The following MAST2 variants were observed in gnomAD, a reference collection of about 807,000 sequenced individuals.
The protein encoded by MAST2 is microtubule-associated serine/threonine-protein kinase 2.
A neutral mutation model predicts 147.4 loss-of-function variants in MAST2; 70 were observed. The observed-to-expected ratio is 0.47, with a 90% CI of 0.39 to 0.58. The LOEUF (loss-of-function observed/expected upper bound fraction) is 0.58, where lower values mean the gene tolerates loss of function less well. Among genes scored for constraint, MAST2 ranks in the 20% least tolerant of loss-of-function variants. MAST2 has a pLI of 0.00. For synonymous variants in MAST2, 869 were observed against 896.8 expected, an observed-to-expected ratio of 0.97 and a Z score of 0.55; for missense variants, 2,080 against 2,302.3, an observed-to-expected ratio of 0.90 and a Z score of 1.98.
chr1:45,826,914 C>A (rs544964517), intron 2 of MAST2, among the ~76,000 whole-genome samples: 1 of 152,052 alleles, frequency 6.6e-6, no homozygotes, highest in Non-Finnish European at 1.5e-5. Flanking sequence ...CTGAAACCTC[C>A]GCCTTCCTGG....
rs998131475 is a variant in MAST2, at chr1:46,031,741, A to G, written c.3187+156A>G. On this transcript the variant is annotated intron_variant, in intron 24 of 28. Transcript: ENST00000361297. This position sits in a 1 kb window ranked among gnomAD's most constrained non-coding sequence, Gnocchi z 4.1. Reference sequence around the variant, plus strand: ...TGTGTATTGGTGTCTGGGGTTGTGTATACATGTGCCAGAAAGCAGGACAGC... The same window carrying G: ...TGTGTATTGGTGTCTGGGGTTGTGTGTACATGTGCCAGAAAGCAGGACAGC... 6.6e-5 allele frequency among the ~76,000 whole-genome samples: 10 copies of G among 152,266 alleles called. No homozygotes were observed. In the South Asian group the frequency reaches 2.1e-3, roughly 32 times the overall value.
At chr1:45,972,319 G>A (rs1229778449) in intron 5 of MAST2, among the ~76,000 whole-genome samples, 1 of 152,226 alleles carries the variant, frequency 6.6e-6, no homozygotes, top group Non-Finnish European at 1.5e-5. Flanking sequence ...ATACACTGGT[G>A]GGGCTGGCCG....
At position 45,881,926 on chromosome 1, in the gene MAST2, C is replaced by T. The variant is rs1372762247; in HGVS notation, c.469-438C>T. ...GCATGGTGGCTCACACCTGTAATCC[C>T]AGTACTTTGGGAGGCCGAGGCGGGC... On this transcript the variant is annotated intron_variant, in intron 3 of 28. Coordinates refer to ENST00000361297, the MANE Select transcript of MAST2 (RefSeq NM_015112.3). 8.2e-5 allele frequency among the ~76,000 whole-genome samples: 12 copies of T among 146,044 alleles called. No individual in the cohort carries two copies. The Admixed American group carries it at 8.7e-4, about 11-fold the overall frequency.
chr1:45,946,101 T>A (rs570308300), intron 4 of MAST2, among the ~76,000 whole-genome samples: 2 of 152,312 alleles, frequency 1.3e-5, no homozygotes, highest in Non-Finnish European at 2.9e-5. Flanking sequence ...ATAATAAACA[T>A]GTATCAGGCA....
At chr1:45,849,664 C>G (rs1288696423) in intron 3 of MAST2, among the ~76,000 whole-genome samples, 1 of 151,972 alleles carries the variant, frequency 6.6e-6, no homozygotes, top group Admixed American at 6.6e-5. Context: ...GTAGCTGGGA[C>G]TACAGGCGCC....
chr1:45,954,122 G>C (rs186498358), intron 4 of MAST2, among the ~76,000 whole-genome samples: 1 of 152,198 alleles, frequency 6.6e-6, no homozygotes, highest in Non-Finnish European at 1.5e-5. Flanking sequence ...ATCCAGTCAC[G>C]GAGTGCTCAA....
chr1:45,960,289 G>A (rs1660236480), intron 5 of MAST2, among the ~76,000 whole-genome samples: 1 of 152,040 alleles, frequency 6.6e-6, no homozygotes, highest in Non-Finnish European at 1.5e-5. Context: ...TGGGCCAATT[G>A]CTTGAGCTTA....
chr1:45,975,273 T>C (rs1644090311), intron 5 of MAST2, among the ~76,000 whole-genome samples: 1 of 152,072 alleles, frequency 6.6e-6, no homozygotes, highest in Non-Finnish European at 1.5e-5. Context: ...AGCAAGGTGT[T>C]CTTTTTGGAG....
chr1:45,818,589 G>A (rs560018301), intron 1 of MAST2, among the ~76,000 whole-genome samples: 2 of 152,288 alleles, frequency 1.3e-5, no homozygotes, highest in Non-Finnish European at 2.9e-5. Context: ...TAGGATGGTC[G>A]ATGTTGAGTT....
chr1:45,896,550 C>T (rs1570600361), intron 4 of MAST2, among the ~76,000 whole-genome samples: 1 of 152,072 alleles, frequency 6.6e-6, no homozygotes, highest in South Asian at 2.1e-4. Context: ...ATATTTCTTG[C>T]CCCAGGTGTA....
intron 3 of MAST2, among the ~76,000 whole-genome samples, chr1:45,861,804 C>T (rs535252024): frequency 2.0e-5 from 3 of 152,224 alleles, no homozygotes; most frequent in East Asian, 3.9e-4. Context: ...TTTATTTCCT[C>T]ATCTCCTACC....
intron 16 of MAST2, 58 bp downstream of exon 16, chr1:46,025,873 A>C: frequency 1.9e-6 from 3 of 1,608,152 alleles, no homozygotes; most frequent in Non-Finnish European, 2.6e-6. Flanking sequence ...TCCAGATAAA[A>C]TGTTGGCAAG....
At chr1:45,811,114 G>A (rs962783111) in intron 1 of MAST2, among the ~76,000 whole-genome samples, 1 of 150,838 alleles carries the variant, frequency 6.6e-6, no homozygotes, top group Non-Finnish European at 1.5e-5. Context: ...GCCTCTCAAA[G>A]TGTTGGGATT....
At chr1:45,862,079 CAAAT>C (rs1173194666) in intron 3 of MAST2, among the ~76,000 whole-genome samples, 2 of 152,100 alleles carry the variant, frequency 1.3e-5, no homozygotes, top group South Asian at 2.1e-4. Flanking sequence ...GTAACATAAA[CAAAT>C]AAAGGTTTAT....
intron 3 of MAST2, among the ~76,000 whole-genome samples, chr1:45,881,533 G>T (rs1646844182): frequency 6.6e-6 from 1 of 152,188 alleles, no homozygotes; most frequent in African/African-American, 2.4e-5. Flanking sequence ...GATACACTTG[G>T]AAAGCAAGTC....
intron 6 of MAST2, among the ~76,000 whole-genome samples, chr1:45,999,015 A>G (rs1357626104): frequency 6.6e-6 from 1 of 152,192 alleles, no homozygotes; most frequent in East Asian, 1.9e-4. Flanking sequence ...TACAGGCATG[A>G]GCCACCGTGC....
At chr1:45,874,490 G>T (rs1437782608) in intron 3 of MAST2, among the ~76,000 whole-genome samples, 1 of 152,158 alleles carries the variant, frequency 6.6e-6, no homozygotes, top group African/African-American at 2.4e-5. Context: ...TGATAATAGA[G>T]CATATTCTTC....
At chr1:45,992,876 GTTAAGTGTGTATTTTTATTCCAT>G (rs1644904937) in intron 5 of MAST2, among the ~76,000 whole-genome samples, 1 of 151,678 alleles carries the variant, frequency 6.6e-6, no homozygotes, top group Non-Finnish European at 1.5e-5. Context: ...TTTATTTGGG[GTTAAGTGTGTATTTTTATTCCAT>G]TTATGTCCTT....
At chr1:45,826,337 G>T (rs1464045369) in intron 2 of MAST2, among the ~76,000 whole-genome samples, 1 of 152,088 alleles carries the variant, frequency 6.6e-6, no homozygotes, top group South Asian at 2.1e-4. Flanking sequence ...CTTAGTCTAA[G>T]AGTTTGCAGG....
Sources: allele counts gnomAD v4.1 joint callset (sites outside exome capture counted in the v4.1 genomes callset), GRCh38; gene constraint gnomAD v4.1.1; non-coding constraint Gnocchi (gnomAD v3.1); transcripts MANE v1.5; gene names NCBI Gene and HGNC (gene_info 2026-07-23, HGNC 2026-07-21).